Variants in MIB1 observed in about 807,000 individuals in gnomAD.
The protein encoded by MIB1 is MIB E3 ubiquitin protein ligase 1.
A neutral mutation model predicts 124.5 loss-of-function variants in MIB1; 278 were observed. The ratio of observed to expected loss-of-function variants is 2.23; its 90% confidence interval spans 2.02 to 2.47. The LOEUF (loss-of-function observed/expected upper bound fraction) is 2.47, where lower values mean the gene tolerates loss of function less well. Ranked by LOEUF, MIB1 falls within the 30% of genes most tolerant of loss-of-function variation. MIB1 has a pLI of 0.00. For synonymous variants in MIB1, 446 were observed against 429.4 expected (o/e 1.04, Z -0.48); for missense variants, 957 against 1,254.4 (o/e 0.76, Z 3.58).
At chr18:21,826,740 C>T (rs765304187) in intron 12 of MIB1, 9 of 152,034 alleles carry the variant, frequency 5.9e-5, no homozygotes, top group Non-Finnish European at 1.2e-4. Context: ...AAGTTAAGTG[C>T]TCTCAGAGAA....
At chr18:21,722,068 T>TG (rs1485430544) in intron 1 of MIB1, among the ~76,000 whole-genome samples, 1 of 152,084 alleles carries the variant, frequency 6.6e-6, no homozygotes, top group African/African-American at 2.4e-5. Context: ...TGTGTGTGTG[T>TG]TTTTAAGACG....
intron 11 of MIB1, 25 bp from the exon 12 acceptor site, chr18:21,819,470 A>G: frequency 6.8e-7 from 1 of 1,477,870 alleles, no homozygotes; most frequent in Non-Finnish European, 9.3e-7. Context: ...TTGAAGAACT[A>G]ATGAAAATTT....
intron 1 of MIB1, among the ~76,000 whole-genome samples, chr18:21,752,531 A>G (rs1438282069): frequency 2.0e-5 from 3 of 152,250 alleles, no homozygotes; most frequent in African/African-American, 4.8e-5. Context: ...AACTAAAGCT[A>G]TTCATACAAC....
intron 1 of MIB1, among the ~76,000 whole-genome samples, chr18:21,762,765 A>G (rs750056692): frequency 2.8e-4 from 42 of 152,342 alleles, no homozygotes; most frequent in Non-Finnish European, 5.1e-4. Context: ...GTAATATGGT[A>G]TATAATTGCT....
At position 21,870,268 on chromosome 18, in the gene MIB1, A is replaced by T. The variant is rs2042346138; in HGVS notation, c.*5602A>T. 6.6e-6 allele frequency: 1 copy of T among 152,436 alleles called. No individual in the cohort carries two copies. The highest frequency in any genetic ancestry group is 1.5e-5 in the Non-Finnish European group (1 of 67,996). 9.4% of individuals were successfully genotyped at this position (152,436 alleles called of 1,614,324 possible). On this transcript the variant is annotated 3_prime_UTR_variant, in exon 21 of 21. Coordinates refer to ENST00000261537, the MANE Select transcript of MIB1 (RefSeq NM_020774.4). ...ATTTAAAAACAAATCTCAATACATT[A>T]AAAAACCTGTTATTGTTAAAAAGGA...
At chr18:21,707,011 C>T (rs2040641781) in intron 1 of MIB1, among the ~76,000 whole-genome samples, 1 of 152,252 alleles carries the variant, frequency 6.6e-6, no homozygotes, top group South Asian at 2.1e-4. Flanking sequence ...ACCTTTATGT[C>T]TAGCTAAGGG....
At chr18:21,766,029 A>G (rs1156521377) in intron 2 of MIB1, 86 bp downstream of exon 2, 34 of 1,292,612 alleles carry the variant, frequency 2.6e-5, no homozygotes, top group Non-Finnish European at 3.6e-5. Context: ...TAGGATTAGC[A>G]AATAGCTTCT....
chr18:21,849,825 T>C (rs2042166697), intron 17 of MIB1, among the ~76,000 whole-genome samples: 1 of 152,166 alleles, frequency 6.6e-6, no homozygotes, highest in African/African-American at 2.4e-5. Flanking sequence ...TTTGCATTCA[T>C]GTTTGTAAAA....
At chr18:21,856,059 T>C (rs2042223396) in intron 18 of MIB1, among the ~76,000 whole-genome samples, 1 of 149,740 alleles carries the variant, frequency 6.7e-6, no homozygotes, top group African/African-American at 2.5e-5. Flanking sequence ...TGAAACCCCG[T>C]CTCTACTAAA....
At chr18:21,804,629 A>G (rs989450193) in intron 10 of MIB1, among the ~76,000 whole-genome samples, 3 of 152,200 alleles carry the variant, frequency 2.0e-5, no homozygotes, top group African/African-American at 4.8e-5. Context: ...TTAACTACTC[A>G]TTACTAAAAA....
intron 6 of MIB1, among the ~76,000 whole-genome samples, chr18:21,789,000 G>T (rs2041470679): frequency 6.6e-6 from 1 of 152,186 alleles, no homozygotes; most frequent in Non-Finnish European, 1.5e-5. Context: ...CATGTTCTTA[G>T]ATCAGGTTTA....
intron 1 of MIB1, among the ~76,000 whole-genome samples, chr18:21,709,690 C>T (rs1222495564): frequency 6.6e-6 from 1 of 152,134 alleles, no homozygotes; most frequent in African/African-American, 2.4e-5. Context: ...GAAAAGTCCC[C>T]AAACACAGAT....
chr18:21,738,450 A>G (rs1480722136), upstream of MIB1, among the ~76,000 whole-genome samples: 1 of 152,224 alleles, frequency 6.6e-6, no homozygotes, highest in African/African-American at 2.4e-5. Context: ...GGAAATTTAT[A>G]GCACTAAATG....
chr18:21,745,935 G>A (rs895425535), intron 1 of MIB1, among the ~76,000 whole-genome samples: 1 of 152,044 alleles, frequency 6.6e-6, no homozygotes, highest in East Asian at 1.9e-4. Flanking sequence ...TCGAACACCT[G>A]ACCTCAAGTG....
At chr18:21,851,767 A>G (rs531339702) in intron 17 of MIB1, among the ~76,000 whole-genome samples, 92 of 152,340 alleles carry the variant, frequency 6.0e-4, no homozygotes, top group African/African-American at 2.0e-3. Context: ...CAACCCGGCT[A>G]TATGTACAGA....
At chr18:21,721,045 A>G (rs1278587099) in intron 1 of MIB1, among the ~76,000 whole-genome samples, 1 of 151,944 alleles carries the variant, frequency 6.6e-6, no homozygotes, top group Non-Finnish European at 1.5e-5. Flanking sequence ...ACTGGGGTAC[A>G]TGGACATTCA....
At chr18:21,863,347 C>T (rs992169491) in intron 20 of MIB1, among the ~76,000 whole-genome samples, 20 of 152,198 alleles carry the variant, frequency 1.3e-4, no homozygotes, top group African/African-American at 3.9e-4. Flanking sequence ...ATTTTGGGTA[C>T]CCACACTCGG....
chr18:21,848,111 G>C (rs1189200610), intron 16 of MIB1, among the ~76,000 whole-genome samples: 1 of 152,054 alleles, frequency 6.6e-6, no homozygotes, highest in East Asian at 1.9e-4. Context: ...AATATAGTGA[G>C]GTATATACAT....
intron 1 of MIB1, among the ~76,000 whole-genome samples, chr18:21,714,940 G>A (rs1264877182): frequency 2.0e-5 from 3 of 152,174 alleles, no homozygotes; most frequent in Non-Finnish European, 2.9e-5. Flanking sequence ...AATTGGGGGG[G>A]ATCACCCCAT....
Sources: gnomAD v4.1 joint callset for allele counts (sites outside exome capture counted in the v4.1 genomes callset) on GRCh38, gnomAD v4.1.1 for gene constraint, MANE v1.5 for transcripts, NCBI Gene and HGNC (gene_info 2026-07-23, HGNC 2026-07-21) for gene names.